The following PCCA variants were observed in gnomAD, a reference collection of about 807,000 sequenced individuals.
PCCA encodes propionyl-CoA carboxylase alpha chain, mitochondrial.
Under a neutral mutation model 101.3 loss-of-function variants are expected in PCCA, and 74 were observed. The ratio of observed to expected loss-of-function variants is 0.73; its 90% CI spans 0.61 to 0.89. The LOEUF (loss-of-function observed/expected upper bound fraction) is 0.89, where lower values mean the gene tolerates loss of function less well. PCCA is among the 40% of genes least tolerant of loss of function. PCCA has a pLI of 0.00. For missense variants in PCCA, 891 were observed against 907.0 expected (o/e 0.98, Z 0.23); for synonymous variants, 294 against 313.6 (o/e 0.94, Z 0.66).
Position 100,348,787 on chromosome 13 carries a change from T to TCTTCCTTCCTTC in PCCA, c.1643+8548_1643+8559dup, listed in dbSNP as rs142274622. Among the ~76,000 whole-genome samples, 21 of 46,646 alleles carry TCTTCCTTCCTTC rather than the reference T, an allele frequency of 4.5e-4. No individual in the cohort carries two copies. In the East Asian group the frequency reaches 4.9e-3, roughly 11 times the overall value. 30.6% of individuals were successfully genotyped at this position (46,646 alleles called of 152,430 possible). ...TTCTTTCTTTCTTTCTTTCTTTCTT[T>TCTTCCTTCCTTC]CTTCCTTCCTTCCTTCCTTCCTTCC... On this transcript the variant is annotated intron_variant, in intron 18 of 23. Transcript: ENST00000376285.
In PCCA at chr13:100,368,628, T is replaced by C; in HGVS notation, c.1746+54T>C. 3.6e-6 allele frequency: 4 copies of C among 1,118,276 alleles called. No homozygotes were observed. The Admixed American group carries it at 6.8e-5, about 19-fold the overall frequency. The allele number at this position is 1,118,276 out of a possible 1,614,324, so 69.3% of individuals were successfully genotyped here. On this transcript the variant is annotated intron_variant, in intron 19 of 23. Transcript: ENST00000376285. ...AATCTTGATGTTATCTATGAATATT[T>C]AAAGCCATTTTTAACCTGTTCAGTG...
At chr13:100,206,277 T>C (rs889098359) in intron 6 of PCCA, among the ~76,000 whole-genome samples, 1 of 152,154 alleles carries the variant, frequency 6.6e-6, no homozygotes, top group Non-Finnish European at 1.5e-5. Context: ...TGTCCTCTTT[T>C]TTTTCTGGAG....
chr13:100,395,277 A>C (rs995404225), intron 19 of PCCA, among the ~76,000 whole-genome samples: 1 of 152,206 alleles, frequency 6.6e-6, no homozygotes, highest in African/African-American at 2.4e-5. Context: ...GAGTCTGTAG[A>C]ATCTGTAGGC....
At chr13:100,146,007 G>A (rs2052512050) in intron 4 of PCCA, among the ~76,000 whole-genome samples, 1 of 150,016 alleles carries the variant, frequency 6.7e-6, no homozygotes. Context: ...TGCAATCTCG[G>A]CAGCTCGCTG....
chr13:100,148,046 C>T (rs2052793746), intron 4 of PCCA, among the ~76,000 whole-genome samples: 1 of 152,028 alleles, frequency 6.6e-6, no homozygotes, highest in Non-Finnish European at 1.5e-5. Context: ...GCCTCCTAAG[C>T]CGTGGGGACT....
chr13:100,195,189 G>C (rs556993776), intron 6 of PCCA, among the ~76,000 whole-genome samples: 2 of 152,230 alleles, frequency 1.3e-5, no homozygotes, highest in Admixed American at 1.3e-4. Context: ...AAATCCTTGT[G>C]ATCAGCTTCC....
intron 21 of PCCA, among the ~76,000 whole-genome samples, chr13:100,488,634 TTTTTTTTTTG>T (rs1406577146): frequency 3.3e-4 from 21 of 62,860 alleles, no homozygotes; most frequent in Non-Finnish European, 6.1e-4. Context: ...TTTTGTTTTG[TTTTTTTTTTG>T]TTTTTTTTTT....
chr13:100,135,120 G>T (rs9557389), intron 4 of PCCA, among the ~76,000 whole-genome samples: 40,954 of 151,414 alleles, frequency 0.27, 6,597 homozygotes, highest in East Asian at 0.71. Context: ...TTGGCCAGGC[G>T]TGGTGGCTCG....
intron 21 of PCCA, chr13:100,477,456 T>C (rs1452745818): frequency 6.6e-6 from 1 of 152,224 alleles, no homozygotes; most frequent in Non-Finnish European, 1.5e-5. Flanking sequence ...CTGAAAGTTA[T>C]ACTATTTTCT....
chr13:100,205,966 A>G (rs915124960), intron 6 of PCCA, among the ~76,000 whole-genome samples: 5 of 152,186 alleles, frequency 3.3e-5, no homozygotes, highest in African/African-American at 9.6e-5. Context: ...CTGGAGACGT[A>G]GAGTTGATAG....
At chr13:100,180,930 G>A (rs528172576) in intron 6 of PCCA, among the ~76,000 whole-genome samples, 2 of 152,300 alleles carry the variant, frequency 1.3e-5, no homozygotes, top group Non-Finnish European at 2.9e-5. Context: ...CAAGGCTTAA[G>A]CCATTGTGGG....
intron 16 of PCCA, among the ~76,000 whole-genome samples, chr13:100,322,061 G>A (rs1162713579): frequency 1.3e-5 from 2 of 152,132 alleles, no homozygotes; most frequent in Non-Finnish European, 2.9e-5. Context: ...AATACAGTGG[G>A]ATAAATAAGA....
chr13:100,451,382 A>G (rs1378438757), intron 21 of PCCA, among the ~76,000 whole-genome samples: 1 of 152,222 alleles, frequency 6.6e-6, no homozygotes, highest in East Asian at 1.9e-4. Flanking sequence ...AAAATTATGC[A>G]TCTTTTCATG....
chr13:100,320,977 C>G (rs946664240), intron 16 of PCCA, among the ~76,000 whole-genome samples: 1 of 152,120 alleles, frequency 6.6e-6, no homozygotes, highest in African/African-American at 2.4e-5. Context: ...AACTCCTGGC[C>G]TCAAGCAGTC....
At chr13:100,487,757 C>T (rs1258891501) in intron 21 of PCCA, among the ~76,000 whole-genome samples, 6 of 152,070 alleles carry the variant, frequency 3.9e-5, no homozygotes, top group Non-Finnish European at 4.4e-5. Flanking sequence ...CAGGGTCTCC[C>T]TCTGTCACCC....
intron 18 of PCCA, among the ~76,000 whole-genome samples, chr13:100,342,574 G>T (rs988561443): frequency 6.6e-6 from 1 of 151,624 alleles, no homozygotes; most frequent in Non-Finnish European, 1.5e-5. Context: ...AGCCTTACCT[G>T]TACAGTTTTA....
intron 7 of PCCA, among the ~76,000 whole-genome samples, chr13:100,231,703 C>T (rs1199177972): frequency 6.6e-6 from 1 of 152,072 alleles, no homozygotes; most frequent in East Asian, 1.9e-4. Context: ...TTCCCTTTTC[C>T]TACAACTTTT....
At chr13:100,343,962 C>A (rs900816155) in intron 18 of PCCA, among the ~76,000 whole-genome samples, 4 of 152,232 alleles carry the variant, frequency 2.6e-5, no homozygotes, top group Non-Finnish European at 5.9e-5. Context: ...GTAGTCCCAT[C>A]TACTCAGGAG....
At chr13:100,333,976 T>G (rs954677491) in intron 17 of PCCA, among the ~76,000 whole-genome samples, 34 of 152,198 alleles carry the variant, frequency 2.2e-4, no homozygotes, top group Non-Finnish European at 3.8e-4. Flanking sequence ...TACCTGCTCT[T>G]AGTGAGCTGA....
Sources: gnomAD v4.1 joint callset for allele counts (sites outside exome capture counted in the v4.1 genomes callset) on GRCh38, gnomAD v4.1.1 for gene constraint, MANE v1.5 for transcripts, NCBI Gene and HGNC (gene_info 2026-07-23, HGNC 2026-07-21) for gene names.